KDELR1: variants seen among roughly 807,000 people sequenced by gnomAD.
KDELR1 encodes KDEL endoplasmic reticulum protein retention receptor 1.
A neutral mutation model predicts 25.5 loss-of-function variants in KDELR1; 16 were observed. The observed-to-expected ratio is 0.63, with a 90% confidence interval of 0.43 to 0.95. The LOEUF (loss-of-function observed/expected upper bound fraction) is 0.95, where lower values mean the gene tolerates loss of function less well. Ranked by LOEUF, KDELR1 falls within the 40% of genes least tolerant of loss-of-function variation. KDELR1 has a pLI of 0.00. For missense variants in KDELR1, 159 were observed against 265.2 expected (o/e 0.60, Z 2.78); for synonymous variants, 121 against 115.0 (o/e 1.05, Z -0.33).
intron 3 of KDELR1, among the ~76,000 whole-genome samples, chr19:48,388,758 AGAAAG>A (rs1970515604): frequency 2.0e-5 from 3 of 151,066 alleles, no homozygotes; most frequent in Admixed American, 2.0e-4. Context: ...GAAAGAAGAA[AGAAAG>A]GAAAGAAAGG....
upstream of KDELR1, among the ~76,000 whole-genome samples, chr19:48,396,298 G>A (rs1271612013): frequency 1.3e-5 from 2 of 152,070 alleles, no homozygotes; most frequent in East Asian, 1.9e-4. Flanking sequence ...CCCTGGAGTG[G>A]GGGAGGCTGC....
At chr19:48,386,154 C>G (rs1970495462) in intron 3 of KDELR1, among the ~76,000 whole-genome samples, 2 of 151,248 alleles carry the variant, frequency 1.3e-5, no homozygotes, top group African/African-American at 2.4e-5. Flanking sequence ...ACTCTTGTCA[C>G]CCAGGCTGGA....
Position 48,390,543 on chromosome 19 carries a change from GA to G in KDELR1, c.92-20del. On this transcript the variant is annotated intron_variant, in intron 1 of 4. Coordinates refer to ENST00000330720, the MANE Select transcript of KDELR1 (RefSeq NM_006801.3). ...GAAATTCCTGTGGTCCAGAGACAGA[GA>G]AAGAGAGAGAGAGAGAGACAGAGAG... The G allele has an allele frequency of 6.5e-7, 1 of 1,528,010 alleles. No homozygotes were observed. Among genetic ancestry groups the G allele is most frequent in the Non-Finnish European group, 9.0e-7 (1 of 1,105,650 alleles). The allele number at this position is 1,528,010 out of a possible 1,614,324, so 94.7% of individuals were successfully genotyped here.
In KDELR1 at chr19:48,391,437, C is replaced by G. The variant is rs997621351; in HGVS notation, c.-79G>C. ...TGCCCCCCGAGGCTGCTGGTCTGAA[C>G]GGGTAGCTGGGCTGGGGGGACGGAA... On this transcript the variant is annotated 5_prime_UTR_variant, in exon 1 of 5. Transcript: ENST00000330720. 3.4e-6 allele frequency: 4 copies of G among 1,168,550 alleles called. No individual in the cohort carries two copies. The African/African-American group carries it at 6.1e-5, about 18-fold the overall frequency. 72.4% of individuals were successfully genotyped at this position (1,168,550 alleles called of 1,614,324 possible).
the KDELR1 span, among the ~76,000 whole-genome samples, chr19:48,397,006 G>A: frequency 2.1e-4 from 32 of 152,092 alleles, no homozygotes; most frequent in African/African-American, 6.8e-4. Context: ...CACCCCAGGC[G>A]GCTAGTATTC....
chr19:48,390,639 A>T (rs1296948482), intron 1 of KDELR1, 115 bp from the exon 2 acceptor site: 1 of 765,432 alleles, frequency 1.3e-6, no homozygotes, highest in Middle Eastern at 3.7e-4. Flanking sequence ...CTGCATGGGC[A>T]ATAAACTAAG....
chr19:48,393,859 C>T (rs542499705), upstream of KDELR1, among the ~76,000 whole-genome samples: 1 of 152,042 alleles, frequency 6.6e-6, no homozygotes, highest in Non-Finnish European at 1.5e-5. This position sits in a 1 kb window ranked among gnomAD's most constrained non-coding sequence, Gnocchi z 5.6. Context: ...GAGCGTCTGC[C>T]ATCTGCCCGG....
At chr19:48,391,239 T>C (rs1970547300) in intron 1 of KDELR1, 29 bp downstream of exon 1, 1 of 1,546,264 alleles carries the variant, frequency 6.5e-7, no homozygotes, top group Non-Finnish European at 8.8e-7. Flanking sequence ...GCAATCTCTC[T>C]CCTTCGCCAG....
At position 48,383,172 on chromosome 19, in the gene KDELR1, G is replaced by T; in HGVS notation, c.*121C>A. On this transcript the variant is annotated 3_prime_UTR_variant, in exon 5 of 5. Coordinates refer to ENST00000330720, the MANE Select transcript of KDELR1 (RefSeq NM_006801.3). ...CCCCCTGAAACCCGGCAGGAGGCGG[G>T]ATGGGGAGCACAAGAGGTGGGTTCT... The T allele has an allele frequency of 9.7e-7, 1 of 1,028,044 alleles. No homozygotes were observed. The highest frequency in any genetic ancestry group is 1.5e-6 in the Non-Finnish European group (1 of 679,020). 63.7% of individuals were successfully genotyped at this position (1,028,044 alleles called of 1,614,324 possible).
In KDELR1 at chr19:48,384,566, C is replaced by T. The variant is rs1970480352; in HGVS notation, c.352-84G>A. ...AGGACAACATTGCAGTTACAGGTGC[C>T]GCGAAGGTGGAGAGAAGGAAGGTGA... On this transcript the variant is annotated intron_variant, in intron 3 of 4. Transcript: ENST00000330720. This position sits in a 1 kb window ranked among gnomAD's most constrained non-coding sequence, Gnocchi z 4.6. 1.3e-5 allele frequency: 19 copies of T among 1,496,330 alleles called. No individual in the cohort carries two copies. The highest frequency in any genetic ancestry group is 1.2e-4 in the Admixed American group (6 of 49,526). The allele number at this position is 1,496,330 out of a possible 1,614,324, so 92.7% of individuals were successfully genotyped here.
chr19:48,387,725 T>C (rs956900187), intron 3 of KDELR1: 1 of 150,588 alleles, frequency 6.6e-6, no homozygotes, highest in Non-Finnish European at 1.5e-5. Flanking sequence ...TCTGAATCTG[T>C]GGCTAAAATT....
At chr19:48,383,978 C>A (rs1970475434) in intron 4 of KDELR1, among the ~76,000 whole-genome samples, 1 of 152,184 alleles carries the variant, frequency 6.6e-6, no homozygotes, top group African/African-American at 2.4e-5. Context: ...TTTCAGTGGG[C>A]TGAGTCCCTG....
rs1040293284 is a variant in KDELR1, at chr19:48,382,913, G to C, written c.*380C>G. ...TGTTTGGCAACCAGTGGGGCTGGGGGTGGGATCTGGGAGGGAGCCGAGGGG... is the reference window on the plus strand; with the variant it reads ...TGTTTGGCAACCAGTGGGGCTGGGGCTGGGATCTGGGAGGGAGCCGAGGGG... On this transcript the variant is annotated 3_prime_UTR_variant, in exon 5 of 5. Transcript: ENST00000330720. 2.5e-5 allele frequency: 5 copies of C among 202,148 alleles called. No homozygotes were observed. In the Admixed American group the frequency reaches 2.8e-4, roughly 11 times the overall value. 12.5% of individuals were successfully genotyped at this position (202,148 alleles called of 1,614,324 possible). A position where few individuals can be genotyped will look rare whatever the true frequency, so the allele number is the denominator to read the frequency against.
intron 3 of KDELR1, among the ~76,000 whole-genome samples, chr19:48,386,123 T>C (rs1355973426): frequency 6.6e-6 from 1 of 151,758 alleles, no homozygotes. Context: ...TTTTTTTTTT[T>C]TTTTCCTGAG....
chr19:48,393,483 C>G (rs1477609995), upstream of KDELR1, among the ~76,000 whole-genome samples: 1 of 152,092 alleles, frequency 6.6e-6, no homozygotes, highest in Admixed American at 6.5e-5. The surrounding 1 kb of genome is among the most constrained non-coding windows in gnomAD (Gnocchi z 5.6). Context: ...CCCAGCCTGA[C>G]TTCTTCCTCC....
At position 48,383,289 on chromosome 19, in the gene KDELR1, G is replaced by C. The variant is rs762278657; in HGVS notation, c.*4C>G. 9.7e-6 allele frequency: 15 copies of C among 1,551,900 alleles called. No individual in the cohort carries two copies. The highest frequency in any genetic ancestry group is 7.3e-5 in the East Asian group (3 of 41,016). ...GCCGAGGAGAGAGATGGAGAGGACC[G>C]GGGCTATGCCGGCAAACTCAACTTC... is the stretch of plus-strand genomic sequence containing the variant. On this transcript the variant is annotated 3_prime_UTR_variant, in exon 5 of 5. Coordinates refer to ENST00000330720, the MANE Select transcript of KDELR1 (RefSeq NM_006801.3).
chr19:48,391,360 G>A lies in KDELR1; in HGVS notation c.-2C>T. 6.4e-7 allele frequency: 1 copy of A among 1,552,658 alleles called. No individual in the cohort carries two copies. On this transcript the variant is annotated 5_prime_UTR_variant, in exon 1 of 5. Transcript: ENST00000330720. Reference sequence around the variant, plus strand: ...TCCCAGGAATCGGAAGAGATTCATGGCTGGGGAACCCTGGCAGGGCTGAGC... The same window carrying A: ...TCCCAGGAATCGGAAGAGATTCATGACTGGGGAACCCTGGCAGGGCTGAGC...
intron 3 of KDELR1, 52 bp downstream of exon 3, chr19:48,389,501 C>T: frequency 6.2e-7 from 1 of 1,605,936 alleles, no homozygotes. Context: ...CCTGTCATAG[C>T]TACTCTGCCA....
At chr19:48,394,247 GA>G (rs1970603678), upstream of KDELR1, among the ~76,000 whole-genome samples, 1 of 151,940 alleles carries the variant, frequency 6.6e-6, no homozygotes, top group African/African-American at 2.4e-5. The surrounding 1 kb of genome is among the most constrained non-coding windows in gnomAD (Gnocchi z 5.1). Flanking sequence ...GAATCCCAGG[GA>G]AGTGAGATCG....
Sources: gnomAD v4.1 joint callset for allele counts (sites outside exome capture counted in the v4.1 genomes callset) on GRCh38, gnomAD v4.1.1 for gene constraint, Gnocchi (gnomAD v3.1) non-coding constraint, MANE v1.5 for transcripts, NCBI Gene and HGNC (gene_info 2026-07-23, HGNC 2026-07-21) for gene names.